The following ZNF385D variants were observed in gnomAD, a reference collection of about 807,000 sequenced individuals.
ZNF385D encodes zinc finger protein 385D.
In ZNF385D, 15 loss-of-function variants were observed where a neutral mutation model predicts 35.8. That is an observed-to-expected ratio of 0.42 (90% CI 0.28 to 0.64). ZNF385D has a LOEUF of 0.64. Ranked by LOEUF, ZNF385D falls within the 30% of genes least tolerant of loss-of-function variation. The pLI is 0.23. For synonymous variants in ZNF385D, 212 were observed against 186.8 expected (o/e 1.13, Z -1.10); for missense variants, 474 against 494.6 (o/e 0.96, Z 0.39).
intron 3 of ZNF385D, among the ~76,000 whole-genome samples, chr3:22,041,849 AG>A (rs998694763): frequency 4.6e-5 from 7 of 152,176 alleles, no homozygotes; most frequent in Non-Finnish European, 1.0e-4. Context: ...ATGTTCAGGT[AG>A]GGAAATGGAC....
At chr3:21,575,846 A>G (rs2063482013) in intron 2 of ZNF385D, among the ~76,000 whole-genome samples, 1 of 152,154 alleles carries the variant, frequency 6.6e-6, no homozygotes, top group African/African-American at 2.4e-5. Context: ...AGGGCTCAGT[A>G]CCTGTCTGTT....
In ZNF385D at chr3:22,244,767, G is replaced by A. The variant is rs373475316; in HGVS notation, c.107-75732C>T. Among the ~76,000 whole-genome samples, 14 of 150,904 alleles carry A rather than the reference G, an allele frequency of 9.3e-5. 2 individuals carry two copies. In the South Asian group the frequency reaches 1.3e-3, roughly 14 times the overall value. Reference sequence around the variant, plus strand: ...CTCAGGTATATTAAAAAGTATCAGCGAGCTCTAAAATCATTGTAGGCACAT... The same window carrying A: ...CTCAGGTATATTAAAAAGTATCAGCAAGCTCTAAAATCATTGTAGGCACAT... On this transcript the variant is annotated intron_variant, in intron 2 of 5. Transcript: ENST00000494108.
intron 2 of ZNF385D, among the ~76,000 whole-genome samples, chr3:22,365,184 CACA>C (rs1257994336): frequency 2.6e-5 from 4 of 151,848 alleles, no homozygotes; most frequent in Non-Finnish European, 5.9e-5. Context: ...GTGATGTTTG[CACA>C]ACAATATGAA....
intron 4 of ZNF385D, among the ~76,000 whole-genome samples, chr3:21,464,743 A>AAAACACACACACACACAC (rs1553589981): frequency 6.7e-6 from 1 of 150,198 alleles, no homozygotes; most frequent in African/African-American, 2.5e-5. Context: ...AATAAATTAA[A>AAAACACACACACACACAC]ACACACACAC....
intron 2 of ZNF385D, among the ~76,000 whole-genome samples, chr3:21,587,635 G>A (rs1381528800): frequency 1.3e-5 from 2 of 152,162 alleles, no homozygotes; most frequent in African/African-American, 4.8e-5. Context: ...CTTAAAATAA[G>A]GTTGAAGAGT....
chr3:21,863,345 T>C (rs1697161763), intron 3 of ZNF385D, among the ~76,000 whole-genome samples: 1 of 152,178 alleles, frequency 6.6e-6, no homozygotes, highest in South Asian at 2.1e-4. Flanking sequence ...TCATTATAAC[T>C]TGTAATATAT....
At chr3:22,247,492 A>C (rs148522979) in intron 2 of ZNF385D, among the ~76,000 whole-genome samples, 9 of 152,190 alleles carry the variant, frequency 5.9e-5, no homozygotes, top group Non-Finnish European at 8.8e-5. Flanking sequence ...TTTGATGAAG[A>C]TATGTTAGAA....
At chr3:21,927,010 T>C (rs1700762157) in intron 3 of ZNF385D, among the ~76,000 whole-genome samples, 2 of 152,120 alleles carry the variant, frequency 1.3e-5, no homozygotes, top group Non-Finnish European at 2.9e-5. Context: ...GGTGTTTGGG[T>C]AATGAGGACA....
At chr3:21,897,645 A>C (rs1231725826) in intron 3 of ZNF385D, among the ~76,000 whole-genome samples, 1 of 152,072 alleles carries the variant, frequency 6.6e-6, no homozygotes, top group East Asian at 1.9e-4. Context: ...TTTTTTTTCC[A>C]GGTAAGCTAT....
chr3:22,039,580 A>G (rs1698540279), intron 3 of ZNF385D, among the ~76,000 whole-genome samples: 1 of 152,106 alleles, frequency 6.6e-6, no homozygotes, highest in Non-Finnish European at 1.5e-5. Context: ...CTGTATAAAA[A>G]TCTAGGCATT....
intron 3 of ZNF385D, among the ~76,000 whole-genome samples, chr3:22,080,585 A>G (rs1215522671): frequency 1.4e-4 from 21 of 152,012 alleles, no homozygotes; most frequent in Admixed American, 1.4e-3. Flanking sequence ...GATTTTATAT[A>G]TAAAAAATTT....
At chr3:21,538,586 C>A (rs764303042) in intron 3 of ZNF385D, among the ~76,000 whole-genome samples, 15 of 151,974 alleles carry the variant, frequency 9.9e-5, no homozygotes, top group Non-Finnish European at 1.9e-4. Flanking sequence ...CAACTTGTTT[C>A]AAGTTAGAGG....
chr3:21,807,437 T>A (rs1448426251), intron 3 of ZNF385D, among the ~76,000 whole-genome samples: 1 of 152,160 alleles, frequency 6.6e-6, no homozygotes, highest in Non-Finnish European at 1.5e-5. Flanking sequence ...GTATTCTAGT[T>A]GTGATTTGAC....
chr3:21,719,393 C>T (rs77990297), intron 1 of ZNF385D, among the ~76,000 whole-genome samples: 2,810 of 152,312 alleles, frequency 0.018, 81 homozygotes, highest in African/African-American at 0.064. Flanking sequence ...ACCCTGGTGA[C>T]TGTAGAGCCA....
At chr3:21,455,225 GAA>G (rs1190106071) in intron 4 of ZNF385D, among the ~76,000 whole-genome samples, 2 of 152,090 alleles carry the variant, frequency 1.3e-5, no homozygotes, top group Admixed American at 6.6e-5. Context: ...CATAGAATTG[GAA>G]AAAACTATTG....
rs554781268 is a variant in ZNF385D, at chr3:22,060,626, G to T, written c.325+108191C>A. 2.6e-5 allele frequency among the ~76,000 whole-genome samples: 4 copies of T among 152,126 alleles called. No homozygotes were observed. In the East Asian group the frequency reaches 7.7e-4, roughly 29 times the overall value. ...TTATTTCAACAATGAATTCATTTTA[G>T]ATCTCACTTAAAATACGTTAACAGC... On this transcript the variant is annotated intron_variant, in intron 3 of 5. Transcript: ENST00000494108.
chr3:22,161,918 T>C (rs1033265999), intron 3 of ZNF385D, among the ~76,000 whole-genome samples: 12 of 152,176 alleles, frequency 7.9e-5, no homozygotes, highest in African/African-American at 2.9e-4. Flanking sequence ...AATGTAGACC[T>C]GGGCAGTTCT....
chr3:21,497,922 C>T (rs909297597), intron 4 of ZNF385D, among the ~76,000 whole-genome samples: 61 of 152,136 alleles, frequency 4.0e-4, no homozygotes, highest in African/African-American at 1.3e-3. Context: ...CAAAGCAATC[C>T]TAAGCAAAAA....
chr3:22,125,627 T>C (rs1370841946), intron 3 of ZNF385D, among the ~76,000 whole-genome samples: 3 of 152,148 alleles, frequency 2.0e-5, no homozygotes, highest in Non-Finnish European at 1.5e-5. Context: ...ATAGTTTTCT[T>C]GTAAAGGTCT....
Sources: gnomAD v4.1 joint callset for allele counts (sites outside exome capture counted in the v4.1 genomes callset) on GRCh38, gnomAD v4.1.1 for gene constraint, MANE v1.5 for transcripts, NCBI Gene and HGNC (gene_info 2026-07-23, HGNC 2026-07-21) for gene names.